CFH: variants seen among roughly 807,000 people sequenced by gnomAD.
The protein encoded by CFH is complement factor H, also known as H factor 1 (complement).
In CFH, 53 loss-of-function variants were observed where a neutral mutation model predicts 147.3. The ratio of observed to expected loss-of-function variants is 0.36; its 90% CI spans 0.29 to 0.45. The LOEUF (loss-of-function observed/expected upper bound fraction) is 0.45. Among genes scored for constraint, CFH ranks in the 20% least tolerant of loss-of-function variants. The pLI is 1.00. For synonymous variants in CFH, 536 were observed against 489.4 expected, an observed-to-expected ratio of 1.10 and a Z score of -1.26; for missense variants, 1,380 against 1,498.0, an observed-to-expected ratio of 0.92 and a Z score of 1.30.
intron 9 of CFH, among the ~76,000 whole-genome samples, chr1:196,691,413 T>A (rs971795930): frequency 3.9e-5 from 6 of 152,092 alleles, no homozygotes; most frequent in African/African-American, 1.4e-4. Context: ...GTTACTTCTT[T>A]TTTTACATGT....
chr1:196,710,224 C>A (rs997565101), intron 9 of CFH, among the ~76,000 whole-genome samples: 1 of 152,104 alleles, frequency 6.6e-6, no homozygotes, highest in African/African-American at 2.4e-5. Flanking sequence ...TGCACATAGC[C>A]CCTTCTCAGA....
At chr1:196,694,005 T>C (rs1668160462) in intron 9 of CFH, among the ~76,000 whole-genome samples, 1 of 149,730 alleles carries the variant, frequency 6.7e-6, no homozygotes, top group African/African-American at 2.5e-5. Context: ...ATTATTATTA[T>C]ACTTTAAGTT....
intron 1 of CFH, among the ~76,000 whole-genome samples, chr1:196,656,091 G>C (rs1666676065): frequency 6.6e-6 from 1 of 152,144 alleles, no homozygotes; most frequent in African/African-American, 2.4e-5. Context: ...GGATCACCAT[G>C]TCAGGAGTTC....
At chr1:196,720,183 C>G (rs1208288318) in intron 11 of CFH, among the ~76,000 whole-genome samples, 2 of 151,814 alleles carry the variant, frequency 1.3e-5, no homozygotes, top group East Asian at 3.9e-4. Context: ...GATATTATAC[C>G]ATCATTATTC....
Position 196,705,495 on chromosome 1 carries a change from C to T in CFH, c.1337-8240C>T, listed in dbSNP as rs118134918. On this transcript the variant is annotated intron_variant, in intron 9 of 21. Transcript: ENST00000367429. ...GACTTCTAGAATGGACAAGGAATGTCAAAAGGCCTTTCTAACCATTAAGTA... is the reference window on the plus strand; with the variant it reads ...GACTTCTAGAATGGACAAGGAATGTTAAAAGGCCTTTCTAACCATTAAGTA... Among the ~76,000 whole-genome samples the T allele has an allele frequency of 1.2e-3, 189 of 152,228 alleles. 3 individuals carry two copies. In the East Asian group the frequency reaches 0.036, roughly 29 times the overall value.
At chr1:196,666,066 A>G (rs35196104) in intron 1 of CFH, among the ~76,000 whole-genome samples, 3,398 of 152,276 alleles carry the variant, frequency 0.022, 123 homozygotes, top group African/African-American at 0.077. Flanking sequence ...CTTGATGGAG[A>G]TTTCAGGCAC....
At chr1:196,688,898 A>C (rs921039139) in intron 7 of CFH, among the ~76,000 whole-genome samples, 1 of 152,198 alleles carries the variant, frequency 6.6e-6, no homozygotes, top group East Asian at 1.9e-4. Flanking sequence ...GGCGTGAGCC[A>C]CTGCGCCCAG....
intron 11 of CFH, among the ~76,000 whole-genome samples, chr1:196,719,328 A>G (rs1668944142): frequency 1.3e-5 from 2 of 151,998 alleles, no homozygotes; most frequent in Admixed American, 6.6e-5. Flanking sequence ...ATATAAAATT[A>G]GCACAAAATA....
At position 196,726,530 on chromosome 1, in the gene CFH, C is replaced by T. The variant is rs749232210; in HGVS notation, c.1934C>T (p.Thr645Met). The part of the protein sequence containing the change: ...ELLNGNVKEK[T>M]KEEYGHSEVV... ...CTCAATGGGAATGTTAAGGAAAAAA[C>T]GAAAGAAGAATATGGACACAGTGAA... Residue 645 changes from threonine to methionine, a missense_variant, in exon 13 of 22, where the codon ACG becomes ATG. Physicochemically the swap from Thr to Met is moderately conservative, Grantham distance 81. Around this residue, in one of 4 missense-constraint regions of CFH, gnomAD observed 830 missense variants for 821.4 expected, o/e 1.01. Transcript: ENST00000367429. 59 of 1,612,806 alleles carry T rather than the reference C, an allele frequency of 3.7e-5. No individual in the cohort carries two copies. The highest frequency in any genetic ancestry group is 8.9e-5 in the East Asian group (4 of 44,760).
intron 9 of CFH, among the ~76,000 whole-genome samples, chr1:196,712,921 C>T (rs1668759074): frequency 6.6e-6 from 1 of 151,796 alleles, no homozygotes; most frequent in African/African-American, 2.4e-5. Context: ...CCAATTTCAT[C>T]CATGTCCCTA....
chr1:196,682,705 T>C (rs1314805438), intron 6 of CFH, among the ~76,000 whole-genome samples: 1 of 151,720 alleles, frequency 6.6e-6, no homozygotes, highest in East Asian at 1.9e-4. Flanking sequence ...TAGGACTTAT[T>C]TGAAGTTAGT....
chr1:196,655,745 C>T (rs1210753350), intron 1 of CFH, among the ~76,000 whole-genome samples: 6 of 152,094 alleles, frequency 3.9e-5, no homozygotes, highest in African/African-American at 1.4e-4. Context: ...AGTTAACTAA[C>T]GTGTACTTTA....
intron 9 of CFH, among the ~76,000 whole-genome samples, chr1:196,693,957 T>G (rs1004301185): frequency 1.2e-4 from 16 of 130,364 alleles, no homozygotes; most frequent in Non-Finnish European, 2.5e-4. Context: ...AGATAAATGG[T>G]GTGTGTGTGT....
intron 1 of CFH, among the ~76,000 whole-genome samples, chr1:196,664,802 TG>T (rs1667025663): frequency 6.6e-6 from 1 of 152,162 alleles, no homozygotes. Flanking sequence ...TTAAAAATGC[TG>T]GAATAAACAC....
chr1:196,677,155 A>C, intron 4 of CFH: 1 of 249,838 alleles, frequency 4.0e-6, no homozygotes, highest in Non-Finnish European at 7.9e-6. Context: ...CTAGGGCATA[A>C]ATGAAAATGT....
At chr1:196,660,870 G>C (rs994191028) in intron 1 of CFH, among the ~76,000 whole-genome samples, 1 of 152,110 alleles carries the variant, frequency 6.6e-6, no homozygotes, top group Non-Finnish European at 1.5e-5. Context: ...GGGCACAAAC[G>C]TATCACCTGG....
At chr1:196,726,363 A>G in intron 12 of CFH, 107 bp from the exon 13 acceptor site, 1 of 838,524 alleles carries the variant, frequency 1.2e-6, no homozygotes, top group South Asian at 1.6e-5. Flanking sequence ...AATAAGTTAC[A>G]TAATGAAGAA....
At chr1:196,674,144 T>A (rs942213696) in intron 3 of CFH, among the ~76,000 whole-genome samples, 182 bp downstream of exon 3, 4 of 152,108 alleles carry the variant, frequency 2.6e-5, no homozygotes, top group Non-Finnish European at 5.9e-5. Context: ...CTCCTTAACA[T>A]TGAAAAATTT....
At chr1:196,659,809 T>G (rs1666842604) in intron 1 of CFH, among the ~76,000 whole-genome samples, 1 of 152,124 alleles carries the variant, frequency 6.6e-6, no homozygotes, top group African/African-American at 2.4e-5. Context: ...AAGTCCCATC[T>G]CCTATCTCAA....
Sources: allele counts gnomAD v4.1 joint callset (sites outside exome capture counted in the v4.1 genomes callset), GRCh38; gene constraint gnomAD v4.1.1; regional missense constraint gnomAD v4.1.1; transcripts MANE v1.5; gene names NCBI Gene and HGNC (gene_info 2026-07-23, HGNC 2026-07-21).